ATP13A4: variants seen among roughly 807,000 people sequenced by gnomAD.
ATP13A4 encodes ATPase 13A4, also known as probable cation-transporting ATPase 13A4.
A neutral mutation model predicts 142.5 loss-of-function variants in ATP13A4; 114 were observed. The observed-to-expected ratio is 0.80, with a 90% CI of 0.69 to 0.93. The LOEUF (loss-of-function observed/expected upper bound fraction) is 0.93. ATP13A4 is among the 40% of genes least tolerant of loss of function. The probability of loss-of-function intolerance (pLI) is 0.00; values close to 1 mark genes in which losing one functional copy is unlikely to be tolerated. For missense variants in ATP13A4, 1,392 were observed against 1,454.0 expected, an observed-to-expected ratio of 0.96 and a Z score of 0.69; for synonymous variants, 488 against 514.8, an observed-to-expected ratio of 0.95 and a Z score of 0.70.
intron 1 of ATP13A4, among the ~76,000 whole-genome samples, chr3:193,547,248 T>C (rs1723279141): frequency 6.6e-6 from 1 of 152,190 alleles, no homozygotes; most frequent in Non-Finnish European, 1.5e-5. Flanking sequence ...TCCTCACTGT[T>C]CTCTCTTCCA....
Position 193,514,707 on chromosome 3 carries a change from C to T in ATP13A4, c.225G>A (p.Leu75=). 6.2e-7 allele frequency: 1 copy of T among 1,614,168 alleles called. No homozygotes were observed. ...CCAGGTACACACTTACCGTTGTCCT[C>T]AGCAACACAGTGTCTGCTTCTTGCA... ...CSLQEADTVL[L]RTTDEFQIYS... is the part of the protein sequence containing the mutation. The change falls in exon 2 of 30, where the codon CTG becomes CTA. Residue 75 remains leucine (L), a synonymous_variant. Transcript: ENST00000342695.
intron 1 of ATP13A4, among the ~76,000 whole-genome samples, chr3:193,591,157 G>A (rs1286357700): frequency 6.6e-6 from 1 of 152,146 alleles, no homozygotes; most frequent in African/African-American, 2.4e-5. Context: ...TCTGCCTCCT[G>A]GGTTCAAGCA....
At chr3:193,557,674 C>T (rs1460141792), upstream of ATP13A4, among the ~76,000 whole-genome samples, 4 of 152,202 alleles carry the variant, frequency 2.6e-5, no homozygotes, top group Admixed American at 6.5e-5. Flanking sequence ...TCTCCCAATC[C>T]GTGATCCTAG....
At chr3:193,416,684 A>G (rs918137829) in intron 25 of ATP13A4, among the ~76,000 whole-genome samples, 17 of 150,842 alleles carry the variant, frequency 1.1e-4, no homozygotes, top group African/African-American at 4.2e-4. Context: ...GAGGAACAGA[A>G]AAAAAAATGA....
At chr3:193,496,524 C>T (rs1720235329) in intron 3 of ATP13A4, among the ~76,000 whole-genome samples, 1 of 152,162 alleles carries the variant, frequency 6.6e-6, no homozygotes, top group Admixed American at 6.5e-5. Context: ...GGCATAGTGG[C>T]TCATGCCTGT....
At chr3:193,523,637 TGCTA>T (rs2108693177) in intron 1 of ATP13A4, among the ~76,000 whole-genome samples, 1 of 152,358 alleles carries the variant, frequency 6.6e-6, no homozygotes, top group South Asian at 2.1e-4. Flanking sequence ...AAAGCTCCGG[TGCTA>T]GAGTCTTCCA....
At chr3:193,454,048 T>C in intron 17 of ATP13A4, 53 bp downstream of exon 17, 1 of 1,469,476 alleles carries the variant, frequency 6.8e-7, no homozygotes, top group Non-Finnish European at 9.5e-7. Flanking sequence ...CATTCCAACC[T>C]GGTACATCTT....
intron 1 of ATP13A4, among the ~76,000 whole-genome samples, chr3:193,527,627 G>A (rs1251507052): frequency 6.7e-6 from 1 of 149,774 alleles, no homozygotes; most frequent in Admixed American, 6.6e-5. Context: ...AAAAAAAAAA[G>A]GGCAGCACTT....
chr3:193,449,565 T>C (rs1195027383), intron 17 of ATP13A4, among the ~76,000 whole-genome samples: 1 of 152,228 alleles, frequency 6.6e-6, no homozygotes, highest in Non-Finnish European at 1.5e-5. Flanking sequence ...TTTAAATCCC[T>C]CTATGATCTG....
upstream of ATP13A4, among the ~76,000 whole-genome samples, chr3:193,559,820 C>G (rs1723978052): frequency 6.6e-6 from 1 of 152,152 alleles, no homozygotes; most frequent in Admixed American, 6.5e-5. Flanking sequence ...AAATTAAAAG[C>G]TGCTCTCTGG....
At chr3:193,409,848 T>C (rs969457736) in intron 28 of ATP13A4, among the ~76,000 whole-genome samples, 1 of 152,232 alleles carries the variant, frequency 6.6e-6, no homozygotes, top group Non-Finnish European at 1.5e-5. Flanking sequence ...TGATACGCAA[T>C]GATCAGTCAG....
chr3:193,439,004 C>A lies in ATP13A4; in HGVS notation c.2562+19G>T. 6.3e-7 allele frequency: 1 copy of A among 1,599,682 alleles called. No individual in the cohort carries two copies. Among genetic ancestry groups the A allele is most frequent in the Non-Finnish European group, 8.6e-7 (1 of 1,166,832 alleles). On this transcript the variant is annotated intron_variant, in intron 22 of 29. Coordinates refer to ENST00000342695, the MANE Select transcript of ATP13A4 (RefSeq NM_032279.4). ...AATCGAATGTGAGATTATGGCCACA[C>A]AAACTGGTAGCTACTTACCCCACAG...
chr3:193,466,042 C>T lies in ATP13A4; in HGVS notation c.1255G>A (p.Val419Ile). The change falls in exon 11 of 30, where the codon GTC becomes ATC. Residue 419 changes from valine (V) to isoleucine (I), a missense_variant. Physicochemically the swap from Val to Ile is conservative, Grantham distance 29. Coordinates refer to ENST00000342695, the MANE Select transcript of ATP13A4 (RefSeq NM_032279.4). ...CAGCTTACCCCACTAAGCACATAGA[C>T]ACACAGAGTATAGATCATCCCAATG... ...ATIGMIYTLC[V>I]YVLSGEPPEE... 6.2e-7 allele frequency: 1 copy of T among 1,614,136 alleles called. No homozygotes were observed. The highest frequency in any genetic ancestry group is 8.5e-7 in the Non-Finnish European group (1 of 1,179,996).
rs144509335 is a variant in ATP13A4 at position 193,451,657 on chromosome 3, G to A, written c.2027+2444C>T. ...TAAAGAATGATAAGTGTAATATATA[G>A]AAAGCATTGTCATCCCTGTGATTAC... On this transcript the variant is annotated intron_variant, in intron 17 of 29. Coordinates refer to ENST00000342695, the MANE Select transcript of ATP13A4 (RefSeq NM_032279.4). 4.7e-3 allele frequency among the ~76,000 whole-genome samples: 721 copies of A among 152,274 alleles called. 10 individuals are homozygous for A. Among genetic ancestry groups the A allele is most frequent in the African/African-American group, 0.017 (690 of 41,540 alleles).
At chr3:193,491,470 A>G in intron 5 of ATP13A4, 72 bp from the exon 6 acceptor site, 2 of 1,106,960 alleles carry the variant, frequency 1.8e-6, no homozygotes, top group Non-Finnish European at 2.8e-6. Context: ...CTATTCAGAA[A>G]AAGGTCTATT....
At position 193,489,803 on chromosome 3, in the gene ATP13A4, T is replaced by C. The variant is rs369316760; in HGVS notation, c.665A>G (p.Tyr222Cys). 2.5e-5 allele frequency: 41 copies of C among 1,610,350 alleles called. No individual in the cohort carries two copies. The highest frequency in any genetic ancestry group is 2.7e-5 in the Non-Finnish European group (32 of 1,176,624). The change falls in exon 7 of 30, where the codon TAT (tyrosine) becomes TGT (cysteine). Residue 222 changes from tyrosine to cysteine, a missense_variant. Transcript: ENST00000342695. Reference sequence around the variant, plus strand: ...TATGATGGCAAAAGCATATTCCTTATAGTCTTCACTAAACCACAAACAGAC... The same window carrying C: ...TATGATGGCAAAAGCATATTCCTTACAGTCTTCACTAAACCACAAACAGAC... ...FSVCLWFSEDYKEYAFAIIIM... is the reference protein window; with the variant it reads ...FSVCLWFSEDCKEYAFAIIIM...
At chr3:193,558,730 C>A (rs1164849325), upstream of ATP13A4, among the ~76,000 whole-genome samples, 1 of 152,176 alleles carries the variant, frequency 6.6e-6, no homozygotes, top group Non-Finnish European at 1.5e-5. Context: ...AGGGCTCGCA[C>A]ACAGCCCATT....
intron 1 of ATP13A4, among the ~76,000 whole-genome samples, chr3:193,536,078 T>C (rs1173326008): frequency 6.6e-6 from 1 of 151,956 alleles, no homozygotes; most frequent in African/African-American, 2.4e-5. Flanking sequence ...AATAATATTA[T>C]TAGTATGCAA....
intron 3 of ATP13A4, among the ~76,000 whole-genome samples, chr3:193,493,755 T>C (rs1720075925): frequency 6.6e-6 from 1 of 152,102 alleles, no homozygotes; most frequent in South Asian, 2.1e-4. Flanking sequence ...AAAGTATTGA[T>C]ACAGGAGTTA....
Sources: allele counts gnomAD v4.1 joint callset (sites outside exome capture counted in the v4.1 genomes callset), GRCh38; gene constraint gnomAD v4.1.1; transcripts MANE v1.5; gene names NCBI Gene and HGNC (gene_info 2026-07-23, HGNC 2026-07-21).